The following CA10 variants were observed in gnomAD, a reference collection of about 807,000 sequenced individuals.
CA10 encodes the protein carbonic anhydrase 10 (inactive), also known as carbonic anhydrase-related protein 10.
CA10 carries 14 observed loss-of-function variants against 44.2 expected under a neutral mutation model. That is an observed-to-expected ratio of 0.32 (90% CI 0.21 to 0.50). The LOEUF (loss-of-function observed/expected upper bound fraction) is 0.50. Ranked by LOEUF, CA10 falls within the 20% of genes least tolerant of loss-of-function variation. The pLI is 0.99. For synonymous variants in CA10, 159 were observed against 141.6 expected (o/e 1.12, Z -0.87); for missense variants, 350 against 409.7 (o/e 0.85, Z 1.26).
chr17:52,087,695 ATTAT>A (rs1050191174), intron 1 of CA10, among the ~76,000 whole-genome samples: 4 of 152,366 alleles, frequency 2.6e-5, no homozygotes, highest in East Asian at 3.9e-4. Flanking sequence ...TTATACAGAA[ATTAT>A]TTAATTACAT....
intron 2 of CA10, among the ~76,000 whole-genome samples, chr17:52,065,951 G>A (rs1002189127): frequency 2.6e-5 from 4 of 152,150 alleles, no homozygotes; most frequent in South Asian, 2.1e-4. Context: ...AGTTTTCATC[G>A]CATCCAGTTG....
At chr17:51,854,241 T>C (rs1978935008) in intron 3 of CA10, among the ~76,000 whole-genome samples, 1 of 151,962 alleles carries the variant, frequency 6.6e-6, no homozygotes, top group Admixed American at 6.6e-5. Flanking sequence ...GCCAAGTCAA[T>C]AGGTTCACAG....
chr17:51,987,430 C>G (rs1326952733), intron 2 of CA10, among the ~76,000 whole-genome samples: 1 of 151,938 alleles, frequency 6.6e-6, no homozygotes, highest in Non-Finnish European at 1.5e-5. Context: ...GCAGTGTACA[C>G]TGCTCGGGTA....
At chr17:51,748,537 C>T in intron 3 of CA10, 1 of 940,730 alleles carries the variant, frequency 1.1e-6, no homozygotes, top group Non-Finnish European at 1.2e-6. Context: ...CTTCATTTTC[C>T]TGACTGTGAC....
At chr17:51,772,534 GA>G (rs780755780) in intron 3 of CA10, among the ~76,000 whole-genome samples, 27 of 152,048 alleles carry the variant, frequency 1.8e-4, no homozygotes, top group Non-Finnish European at 3.4e-4. Context: ...AATCCTGGAG[GA>G]ATTTCCAAAT....
At chr17:51,936,036 C>A (rs991653687) in intron 2 of CA10, among the ~76,000 whole-genome samples, 20 of 152,168 alleles carry the variant, frequency 1.3e-4, no homozygotes, top group African/African-American at 4.8e-4. Flanking sequence ...ATATTAGGCA[C>A]TTGGAATAAG....
intron 3 of CA10, among the ~76,000 whole-genome samples, chr17:51,872,799 G>T (rs1386606100): frequency 6.6e-6 from 1 of 152,152 alleles, no homozygotes; most frequent in African/African-American, 2.4e-5. Flanking sequence ...TACAAATTAG[G>T]ACTCTTATTT....
rs1332185177 is a variant in CA10, at chr17:51,635,951, A to G, written c.693T>C (p.Ser231=). The change falls in exon 7 of 9, where the codon AGT becomes AGC. Residue 231 remains serine (S), a synonymous_variant. Transcript: ENST00000451037. ...NIEELYPETS[S]FITYDGSMTI... is the part of the protein sequence containing the mutation. The stretch of plus-strand genomic sequence containing the variant: ...TCATCGACCCATCGTAAGTGATGAA[A>G]CTAGAGGTCTCTGGATATAGTTCCT... 1 of 1,609,562 alleles carries G rather than the reference A, an allele frequency of 6.2e-7. No homozygotes were observed. Among genetic ancestry groups the G allele is most frequent in the South Asian group, 1.1e-5 (1 of 90,522 alleles).
At chr17:52,107,458 A>C (rs1988684694) in intron 1 of CA10, among the ~76,000 whole-genome samples, 1 of 152,202 alleles carries the variant, frequency 6.6e-6, no homozygotes, top group Non-Finnish European at 1.5e-5. Context: ...TAGAAAACAT[A>C]GGATTTATTC....
At chr17:51,719,653 G>C (rs1176972901) in intron 4 of CA10, among the ~76,000 whole-genome samples, 1 of 152,072 alleles carries the variant, frequency 6.6e-6, no homozygotes, top group African/African-American at 2.4e-5. Context: ...TTGAGAGGCT[G>C]AGGTGGGAGA....
chr17:52,090,259 T>C (rs1988223568), intron 1 of CA10, among the ~76,000 whole-genome samples: 1 of 152,170 alleles, frequency 6.6e-6, no homozygotes, highest in Admixed American at 6.5e-5. Flanking sequence ...GAAATCCTAA[T>C]TCAGTAACAT....
At chr17:51,988,246 C>A (rs531674062) in intron 2 of CA10, among the ~76,000 whole-genome samples, 2 of 151,834 alleles carry the variant, frequency 1.3e-5, no homozygotes, top group African/African-American at 4.8e-5. Context: ...AGACAGAAAT[C>A]GAGTTGGGTT....
chr17:51,660,928 C>G (rs533221433), intron 4 of CA10, among the ~76,000 whole-genome samples: 1 of 152,104 alleles, frequency 6.6e-6, no homozygotes, highest in African/African-American at 2.4e-5. Context: ...TGCTTCCCTT[C>G]CCTTAAACAG....
intron 2 of CA10, among the ~76,000 whole-genome samples, chr17:52,036,660 C>G (rs1329532540): frequency 6.6e-6 from 1 of 152,204 alleles, no homozygotes; most frequent in East Asian, 1.9e-4. Context: ...ACTTACTAGC[C>G]TGGGTCAGTT....
At chr17:51,855,792 A>C (rs1179824497) in intron 3 of CA10, among the ~76,000 whole-genome samples, 3 of 152,236 alleles carry the variant, frequency 2.0e-5, no homozygotes, top group African/African-American at 4.8e-5. Flanking sequence ...TCCTTAAATG[A>C]ATTCTTAAAA....
chr17:52,136,516 C>A (rs759171877), intron 1 of CA10, among the ~76,000 whole-genome samples: 1 of 152,112 alleles, frequency 6.6e-6, no homozygotes, highest in Non-Finnish European at 1.5e-5. Flanking sequence ...CCTAGCTTCA[C>A]GGTCAAGGAA....
In CA10 at chr17:51,794,426, T is replaced by C. The variant is rs1459137218; in HGVS notation, c.280-46608A>G. Among the ~76,000 whole-genome samples the C allele has an allele frequency of 2.0e-5, 3 of 152,198 alleles. No homozygotes were observed. The East Asian group carries it at 5.8e-4, about 29-fold the overall frequency. On this transcript the variant is annotated intron_variant, in intron 3 of 8. Coordinates refer to ENST00000451037, the MANE Select transcript of CA10 (RefSeq NM_020178.5). Reference sequence around the variant, plus strand: ...AGGTGGATGCGGAGACTACGTCATTTTACCCCTGGGTTGGCAGGTGTCACC... The same window carrying C: ...AGGTGGATGCGGAGACTACGTCATTCTACCCCTGGGTTGGCAGGTGTCACC...
intron 3 of CA10, among the ~76,000 whole-genome samples, chr17:51,769,097 T>G (rs1905499642): frequency 6.6e-6 from 1 of 152,242 alleles, no homozygotes; most frequent in African/African-American, 2.4e-5. Flanking sequence ...TCTTGCCATT[T>G]GTTAAGGCAA....
intron 1 of CA10, among the ~76,000 whole-genome samples, chr17:52,108,194 T>TATATATATATATATATATATTTTA (rs1567735876): frequency 3.4e-5 from 2 of 58,038 alleles, no homozygotes; most frequent in Non-Finnish European, 5.3e-5. Flanking sequence ...TATATATTTT[T>TATATATATATATATATATATTTTA]TATATATATA....
Sources: allele counts gnomAD v4.1 joint callset (sites outside exome capture counted in the v4.1 genomes callset), GRCh38; gene constraint gnomAD v4.1.1; transcripts MANE v1.5; gene names NCBI Gene and HGNC (gene_info 2026-07-23, HGNC 2026-07-21).